The following TLCD4 variants were observed in gnomAD, a reference collection of about 807,000 sequenced individuals.
The protein encoded by TLCD4 is TLC domain containing 4.
TLCD4 carries 7 observed loss-of-function variants against 24.2 expected under a neutral mutation model. The observed-to-expected ratio is 0.29, with a 90% CI of 0.16 to 0.54. The LOEUF is 0.54. Ranked by LOEUF, TLCD4 falls within the 20% of genes least tolerant of loss-of-function variation. The pLI is 0.95. For synonymous variants in TLCD4, 103 were observed against 106.4 expected (o/e 0.97, Z 0.20); for missense variants, 259 against 313.9 (o/e 0.82, Z 1.32).
In TLCD4 at chr1:95,151,375, A is replaced by C. The variant is rs1222212838; in HGVS notation, c.355A>C (p.Ile119Leu). ...YWKVIGDKFF[I>L]MHHCASLYAY... The stretch of plus-strand genomic sequence containing the variant: ...GAAAGTGATTGGTGACAAATTTTTT[A>C]TAATGCATCATTGTGCGTCCCTGTA... Residue 119 changes from isoleucine to leucine, a missense_variant, in exon 5 of 7, where the codon ATA becomes CTA. Ile to Leu is a conservative substitution (Grantham distance 5, BLOSUM62 2). Coordinates refer to ENST00000370203, the MANE Select transcript of TLCD4 (RefSeq NM_152487.3). 2 of 1,613,240 alleles carry C rather than the reference A, an allele frequency of 1.2e-6. No individual in the cohort carries two copies. The highest frequency in any genetic ancestry group is 8.5e-7 in the Non-Finnish European group (1 of 1,179,500).
At position 95,148,965 on chromosome 1, in the gene TLCD4, A is replaced by G. The variant is rs1030804121; in HGVS notation, c.245+174A>G. Among the ~76,000 whole-genome samples, 11 of 152,330 alleles carry G rather than the reference A, an allele frequency of 7.2e-5. No homozygotes were observed. In the South Asian group the frequency reaches 1.2e-3, roughly 17 times the overall value. On this transcript the variant is annotated intron_variant, in intron 3 of 6. Transcript: ENST00000370203. ...ATTTAAATGATTTATTTTAGATTTG[A>G]ACACAAATGAAGGCCATTTTGCCTT...
At chr1:95,166,343 ATATAT>A (rs1236839366) in intron 5 of TLCD4, among the ~76,000 whole-genome samples, 1 of 152,184 alleles carries the variant, frequency 6.6e-6, no homozygotes, top group African/African-American at 2.4e-5. Flanking sequence ...GTTGGATGAA[ATATAT>A]TATAGTTGTG....
chr1:95,162,235 G>A (rs1677834770), intron 5 of TLCD4, among the ~76,000 whole-genome samples: 1 of 152,108 alleles, frequency 6.6e-6, no homozygotes, highest in African/African-American at 2.4e-5. Flanking sequence ...TTGTTGAATT[G>A]ATTCCTTTAC....
chr1:95,113,733 C>A (rs943929780), upstream of TLCD4, among the ~76,000 whole-genome samples: 1 of 151,740 alleles, frequency 6.6e-6, no homozygotes, highest in Non-Finnish European at 1.5e-5. Flanking sequence ...TAATAAAATG[C>A]GCAAAAAGAA....
chr1:95,153,751 A>G (rs916915685), intron 5 of TLCD4, among the ~76,000 whole-genome samples: 3 of 152,148 alleles, frequency 2.0e-5, no homozygotes, highest in Admixed American at 6.6e-5. Context: ...TTAGGTAGCT[A>G]TTGTCTTATA....
At chr1:95,122,036 C>T (rs908320252) in intron 1 of TLCD4, among the ~76,000 whole-genome samples, 1 of 152,154 alleles carries the variant, frequency 6.6e-6, no homozygotes, top group African/African-American at 2.4e-5. Flanking sequence ...GTTACAACAC[C>T]GAACACTCCT....
At chr1:95,124,413 C>T (rs1030168664) in intron 1 of TLCD4, among the ~76,000 whole-genome samples, 7 of 152,134 alleles carry the variant, frequency 4.6e-5, no homozygotes, top group African/African-American at 1.4e-4. Context: ...AAAATTTTCT[C>T]CTTTGGGTTT....
rs1679207301 is a variant in TLCD4 at position 95,196,385 on chromosome 1, T to A, written c.*4517T>A. 2 of 152,238 alleles carry A rather than the reference T, an allele frequency of 1.3e-5. No individual in the cohort carries two copies. The highest frequency in any genetic ancestry group is 2.9e-5 in the Non-Finnish European group (2 of 68,038). 9.4% of individuals were successfully genotyped at this position (152,238 alleles called of 1,614,324 possible). A position where few individuals can be genotyped will look rare whatever the true frequency, so the allele number is the denominator to read the frequency against. On this transcript the variant is annotated 3_prime_UTR_variant, in exon 7 of 7. Coordinates refer to ENST00000370203, the MANE Select transcript of TLCD4 (RefSeq NM_152487.3). Reference sequence around the variant, plus strand: ...TTTAGGGAAAACTTTGCTATGGTAATGTTTCTTTGAAAACAAATTTACCAG... The same window carrying A: ...TTTAGGGAAAACTTTGCTATGGTAAAGTTTCTTTGAAAACAAATTTACCAG...
intron 5 of TLCD4, among the ~76,000 whole-genome samples, chr1:95,156,922 G>A (rs557829856): frequency 2.0e-4 from 31 of 152,252 alleles, no homozygotes; most frequent in African/African-American, 7.5e-4. Flanking sequence ...AAAGGGCAGT[G>A]CAGTCAGGGT....
rs1232884235 is a variant in TLCD4, at chr1:95,143,343, GTTC to G, written c.-11-542_-11-540del. On this transcript the variant is annotated intron_variant, in intron 1 of 6. Coordinates refer to ENST00000370203, the MANE Select transcript of TLCD4 (RefSeq NM_152487.3). ...TGCAATGGCTCTTTGCTAAGACTGT[GTTC>G]TTCTTAAGATTTTAATTTTGTTTTA... 4.6e-5 allele frequency among the ~76,000 whole-genome samples: 7 copies of G among 152,180 alleles called. No individual in the cohort carries two copies. The South Asian group carries it at 6.2e-4, about 14-fold the overall frequency.
chr1:95,141,931 T>G (rs1677209522), intron 1 of TLCD4, among the ~76,000 whole-genome samples: 1 of 152,080 alleles, frequency 6.6e-6, no homozygotes, highest in East Asian at 1.9e-4. Context: ...TGGAAGGGAA[T>G]GAAGTGGGGT....
chr1:95,131,558 G>A (rs548857223), intron 1 of TLCD4, among the ~76,000 whole-genome samples: 2 of 152,208 alleles, frequency 1.3e-5, no homozygotes, highest in Non-Finnish European at 2.9e-5. Context: ...GATTCTCCTG[G>A]AGCCCTCCAA....
the TLCD4 span, among the ~76,000 whole-genome samples, chr1:95,096,475 G>A: frequency 2.0e-5 from 3 of 152,084 alleles, no homozygotes; most frequent in Admixed American, 6.6e-5. Flanking sequence ...ATAGCTTTGC[G>A]GAAGGGACAG....
chr1:95,183,850 AAAAAAC>A (rs1159642128), intron 6 of TLCD4, among the ~76,000 whole-genome samples: 1 of 151,932 alleles, frequency 6.6e-6, no homozygotes, highest in African/African-American at 2.4e-5. Flanking sequence ...ACAACAACAT[AAAAAAC>A]AAAAACAAAA....
chr1:95,110,026 T>C, the TLCD4 span, among the ~76,000 whole-genome samples: 1 of 148,672 alleles, frequency 6.7e-6, no homozygotes, highest in Non-Finnish European at 1.5e-5. Context: ...TTTTATTGTT[T>C]ATATATTTTT....
At chr1:95,190,438 C>G (rs1329135272) in intron 6 of TLCD4, among the ~76,000 whole-genome samples, 2 of 152,062 alleles carry the variant, frequency 1.3e-5, no homozygotes, top group Non-Finnish European at 2.9e-5. Flanking sequence ...TCAAGCAATT[C>G]TCTGCCTCAG....
In TLCD4 at chr1:95,124,182, C is replaced by T. The variant is rs892000227; in HGVS notation, c.-12+6565C>T. 5.3e-5 allele frequency among the ~76,000 whole-genome samples: 8 copies of T among 151,972 alleles called. No homozygotes were observed. In the South Asian group the frequency reaches 1.0e-3, roughly 20 times the overall value. On this transcript the variant is annotated intron_variant, in intron 1 of 6. Transcript: ENST00000370203. ...TTTTACAAAGATGCATATGATATGA[C>T]AAGATAAAGTATATTTAGTATAAAG...
At chr1:95,138,441 G>T (rs1442166906) in intron 1 of TLCD4, 1 of 152,158 alleles carries the variant, frequency 6.6e-6, no homozygotes, top group East Asian at 1.9e-4. Flanking sequence ...GTACAGTCAT[G>T]CATTGCTTAA....
intron 5 of TLCD4, among the ~76,000 whole-genome samples, chr1:95,166,007 A>G (rs1023403883): frequency 2.0e-5 from 3 of 152,216 alleles, no homozygotes; most frequent in African/African-American, 7.2e-5. Context: ...CTGTCTGTAA[A>G]TATCAGAAGG....
Sources: allele counts gnomAD v4.1 joint callset (sites outside exome capture counted in the v4.1 genomes callset), GRCh38; gene constraint gnomAD v4.1.1; transcripts MANE v1.5; gene names NCBI Gene and HGNC (gene_info 2026-07-23, HGNC 2026-07-21).